Variants in RB1CC1 observed in about 807,000 individuals in gnomAD.
The protein encoded by RB1CC1 is RB1 inducible coiled-coil 1, also known as RB1-inducible coiled-coil protein 1.
In RB1CC1, 46 loss-of-function variants were observed where a neutral mutation model predicts 177.5. The ratio of observed to expected loss-of-function variants is 0.26; its 90% CI spans 0.20 to 0.33. The LOEUF (loss-of-function observed/expected upper bound fraction) is 0.33, where lower values mean the gene tolerates loss of function less well. Ranked by LOEUF, RB1CC1 falls within the 10% of genes least tolerant of loss-of-function variation. The pLI, the probability that RB1CC1 is intolerant of heterozygous loss-of-function variation, is 1.00. For missense variants in RB1CC1, 1,703 were observed against 1,816.3 expected, an observed-to-expected ratio of 0.94 and a Z score of 1.13; for synonymous variants, 666 against 613.6, an observed-to-expected ratio of 1.09 and a Z score of -1.26.
chr8:52,641,951 T>C (rs1336035594), intron 18 of RB1CC1, among the ~76,000 whole-genome samples: 1 of 148,906 alleles, frequency 6.7e-6, no homozygotes, highest in African/African-American at 2.4e-5. Context: ...TTGCTATATA[T>C]GAATAAACAA....
At chr8:52,653,955 C>T (rs970558075) in intron 15 of RB1CC1, among the ~76,000 whole-genome samples, 4 of 152,134 alleles carry the variant, frequency 2.6e-5, no homozygotes, top group African/African-American at 7.2e-5. Flanking sequence ...TTCCCTTACT[C>T]GTGGAACAAG....
chr8:52,652,122 G>C (rs565802956), intron 15 of RB1CC1, among the ~76,000 whole-genome samples: 3 of 152,026 alleles, frequency 2.0e-5, no homozygotes, highest in African/African-American at 7.2e-5. Context: ...CAAATACATA[G>C]AACAATGGTA....
chr8:52,671,707 C>G (rs1259965796), intron 7 of RB1CC1, among the ~76,000 whole-genome samples: 1 of 152,080 alleles, frequency 6.6e-6, no homozygotes, highest in African/African-American at 2.4e-5. Flanking sequence ...TTTTTAACTT[C>G]AAACATTTAT....
At chr8:52,684,221 T>C (rs1193365356) in intron 3 of RB1CC1, among the ~76,000 whole-genome samples, 3 of 152,174 alleles carry the variant, frequency 2.0e-5, no homozygotes, top group African/African-American at 7.2e-5. Flanking sequence ...AGCAAAAGAA[T>C]ATGCTCAAAC....
chr8:52,661,419 TTCA>T, intron 9 of RB1CC1, 113 bp downstream of exon 9: 1 of 1,452,436 alleles, frequency 6.9e-7, no homozygotes, highest in Non-Finnish European at 9.3e-7. Context: ...AATTCCAAAG[TTCA>T]TCAATAAGGT....
At position 52,635,397 on chromosome 8, in the gene RB1CC1, G is replaced by A. The variant is rs565468742; in HGVS notation, c.4393-429C>T. Among the ~76,000 whole-genome samples the A allele has an allele frequency of 2.6e-5, 4 of 152,168 alleles. No individual in the cohort carries two copies. The South Asian group carries it at 6.2e-4, about 24-fold the overall frequency. On this transcript the variant is annotated intron_variant, in intron 19 of 23. Transcript: ENST00000025008. ...TATTCAAATGAAGTTGTACAATTCT[G>A]AATTTGGATTTTTATCAGACAATTA...
At chr8:52,678,945 T>G (rs1563428470) in intron 5 of RB1CC1, among the ~76,000 whole-genome samples, 3 of 152,132 alleles carry the variant, frequency 2.0e-5, no homozygotes, top group Non-Finnish European at 4.4e-5. Context: ...TTTGCCTGCT[T>G]CTCCTTCATG....
At position 52,642,478 on chromosome 8, in the gene RB1CC1, C is replaced by G. The variant is rs1402779090; in HGVS notation, c.4210G>C (p.Ala1404Pro). 6.2e-7 allele frequency: 1 copy of G among 1,613,952 alleles called. No homozygotes were observed. Among genetic ancestry groups the G allele is most frequent in the Non-Finnish European group, 8.5e-7 (1 of 1,180,000 alleles). ...GCTCCATAAAGTTCTGGGGCTGTAG[C>G]TACATATGGTGAAGGAACAAAACTG... ...SSSFVPSPYV[A>P]TAPELYGACA... Residue 1404 changes from alanine to proline, a missense_variant, in exon 18 of 24, where the codon GCT (alanine) becomes CCT (proline). By Grantham distance (27) the Ala-to-Pro change is conservative (BLOSUM62 -1). This residue lies in a region of RB1CC1 where 1,169 missense variants were observed against 1,184.7 expected (regional missense o/e 0.99). Coordinates refer to ENST00000025008, the MANE Select transcript of RB1CC1 (RefSeq NM_014781.5).
rs1341841068 is a variant in RB1CC1, at chr8:52,662,979, C to A, written c.1174-1260G>T. On this transcript the variant is annotated intron_variant, in intron 8 of 23. Transcript: ENST00000025008. ...ATTCTAGACCATTAGTAAAGGATTT[C>A]CTGACACCAAAAGCATGTAAGTACT... Among the ~76,000 whole-genome samples, 9 of 151,932 alleles carry A rather than the reference C, an allele frequency of 5.9e-5. No individual in the cohort carries two copies. In the East Asian group the frequency reaches 1.7e-3, roughly 29 times the overall value.
chr8:52,669,805 T>C (rs1467598941), intron 7 of RB1CC1, among the ~76,000 whole-genome samples: 1 of 152,194 alleles, frequency 6.6e-6, no homozygotes, highest in African/African-American at 2.4e-5. Context: ...ATTACAATTA[T>C]ACATAAACTT....
chr8:52,701,615 A>G (rs1261022826), intron 1 of RB1CC1, among the ~76,000 whole-genome samples: 2 of 151,850 alleles, frequency 1.3e-5, no homozygotes, highest in Non-Finnish European at 2.9e-5. Context: ...CTGGTCATGA[A>G]TTCCAGCCCT....
intron 22 of RB1CC1, among the ~76,000 whole-genome samples, chr8:52,625,251 G>A (rs1434072267): frequency 2.0e-4 from 31 of 152,122 alleles, no homozygotes. Context: ...CAAGTGAACA[G>A]TTCTCACATC....
intron 8 of RB1CC1, among the ~76,000 whole-genome samples, chr8:52,662,557 G>A (rs182664553): frequency 1.6e-4 from 25 of 152,100 alleles, no homozygotes; most frequent in Admixed American, 1.4e-3. Context: ...TAATAATGTT[G>A]TAGGTTTTGT....
intron 1 of RB1CC1, among the ~76,000 whole-genome samples, chr8:52,698,762 T>A (rs549066552): frequency 1.7e-4 from 21 of 126,828 alleles, no homozygotes; most frequent in Non-Finnish European, 3.2e-4. Context: ...CAGGCTGGAG[T>A]GAACTGCAAC....
At chr8:52,626,272 C>T (rs1848383496) in intron 22 of RB1CC1, among the ~76,000 whole-genome samples, 1 of 152,138 alleles carries the variant, frequency 6.6e-6, no homozygotes. Flanking sequence ...AGTAAGACTG[C>T]TAAATAAATA....
intron 5 of RB1CC1, among the ~76,000 whole-genome samples, chr8:52,681,415 TA>T (rs1339313200): frequency 6.6e-5 from 10 of 152,178 alleles, no homozygotes; most frequent in Admixed American, 5.2e-4. Context: ...ACCAATAAGG[TA>T]AATGAGTAAA....
At chr8:52,651,750 C>T (rs1331605525) in intron 15 of RB1CC1, among the ~76,000 whole-genome samples, 1 of 152,084 alleles carries the variant, frequency 6.6e-6, no homozygotes, top group African/African-American at 2.4e-5. Flanking sequence ...TTAGAATATT[C>T]TTGAATAGTA....
chr8:52,633,317 TA>T (rs1278246970), intron 20 of RB1CC1, among the ~76,000 whole-genome samples: 1 of 152,176 alleles, frequency 6.6e-6, no homozygotes, highest in Non-Finnish European at 1.5e-5. Context: ...GCATCTATAG[TA>T]TACCAGTTAC....
At chr8:52,698,670 G>GTTTTTTTTTTTTTTTTTTTTTTT (rs1183407164) in intron 1 of RB1CC1, among the ~76,000 whole-genome samples, 1 of 77,400 alleles carries the variant, frequency 1.3e-5, no homozygotes, top group Non-Finnish European at 2.4e-5. Flanking sequence ...GTAATGGTTG[G>GTTTTTTTTTTTTTTTTTTTTTTT]TTTTTTTTTT....
Sources: gnomAD v4.1 joint callset for allele counts (sites outside exome capture counted in the v4.1 genomes callset) on GRCh38, gnomAD v4.1.1 for gene constraint, gnomAD v4.1.1 regional missense constraint, MANE v1.5 for transcripts, NCBI Gene and HGNC (gene_info 2026-07-23, HGNC 2026-07-21) for gene names.